ASTN1: variants seen among roughly 807,000 people sequenced by gnomAD.
ASTN1 encodes the protein astrotactin 1, also known as astrotactin-1.
A neutral mutation model predicts 140.7 loss-of-function variants in ASTN1; 41 were observed. The observed-to-expected ratio is 0.29, with a 90% CI of 0.23 to 0.38. The LOEUF is 0.38. Ranked by LOEUF, ASTN1 falls within the 10% of genes least tolerant of loss-of-function variation. The pLI is 1.00. For missense variants in ASTN1, 1,479 were observed against 1,678.8 expected (o/e 0.88, Z 2.08); for synonymous variants, 640 against 652.2 (o/e 0.98, Z 0.29).
intron 16 of ASTN1, among the ~76,000 whole-genome samples, chr1:176,920,065 C>T (rs1670664804): frequency 6.6e-6 from 1 of 152,172 alleles, no homozygotes; most frequent in Non-Finnish European, 1.5e-5. Flanking sequence ...CTTTAAGGCT[C>T]GCTTGAACCT....
chr1:177,154,049 A>T (rs1683145944), intron 1 of ASTN1, among the ~76,000 whole-genome samples: 1 of 152,188 alleles, frequency 6.6e-6, no homozygotes, highest in Non-Finnish European at 1.5e-5. Flanking sequence ...AAATATGCAT[A>T]ATCTTTATAA....
chr1:176,957,796 C>A lies in ASTN1; in HGVS notation c.1769G>T (p.Ser590Ile). 1.9e-6 allele frequency: 3 copies of A among 1,613,984 alleles called. No individual in the cohort carries two copies. The highest frequency in any genetic ancestry group is 2.5e-6 in the Non-Finnish European group (3 of 1,179,948). The change falls in exon 11 of 23, where the codon AGC (serine) becomes ATC (isoleucine). Residue 590 changes from serine (S) to isoleucine (I), a missense_variant. Ser to Ile is a moderately radical substitution (Grantham distance 142, BLOSUM62 -2). This residue lies in a region of ASTN1 where 729 missense variants were observed against 860.4 expected (regional missense o/e 0.85). Coordinates refer to ENST00000361833, the MANE Select transcript of ASTN1 (RefSeq NM_004319.3). ...AAAGGAATCTAAGAGAACCTCCAGGCTGTCGAAGGAGGATGAAGTCATCAG... is the reference window on the plus strand; with the variant it reads ...AAAGGAATCTAAGAGAACCTCCAGGATGTCGAAGGAGGATGAAGTCATCAG... ...EELMTSSSFD[S>I]LEVLLDSFGP... is the part of the protein sequence containing the mutation.
chr1:177,164,343 G>T, intron 1 of ASTN1, 51 bp downstream of exon 1: 1 of 1,468,024 alleles, frequency 6.8e-7, no homozygotes, highest in Non-Finnish European at 9.1e-7. Flanking sequence ...AGTGGGGGGT[G>T]GGGGCGCCGG....
chr1:177,098,463 T>G (rs12086334), intron 1 of ASTN1, among the ~76,000 whole-genome samples: 1 of 152,202 alleles, frequency 6.6e-6, no homozygotes, highest in African/African-American at 2.4e-5. Flanking sequence ...TATTTTTTCT[T>G]ATTTTCTTTT....
At chr1:177,129,607 CT>C (rs544591038) in intron 1 of ASTN1, among the ~76,000 whole-genome samples, 75 of 152,324 alleles carry the variant, frequency 4.9e-4, no homozygotes, top group African/African-American at 1.7e-3. Flanking sequence ...ACTTAACATT[CT>C]TGAGACCCAG....
chr1:177,122,736 A>G (rs1271936938), intron 1 of ASTN1, among the ~76,000 whole-genome samples: 1 of 152,144 alleles, frequency 6.6e-6, no homozygotes, highest in Non-Finnish European at 1.5e-5. Context: ...CTCATCAGAC[A>G]CACGGCCTTC....
chr1:176,981,624 C>T (rs1673625449), intron 8 of ASTN1: 1 of 152,420 alleles, frequency 6.6e-6, no homozygotes, highest in Non-Finnish European at 1.5e-5. Context: ...GCAATCAGAG[C>T]TGGAGAGCTC....
At chr1:177,094,849 G>A (rs527872656) in intron 1 of ASTN1, among the ~76,000 whole-genome samples, 213 of 152,298 alleles carry the variant, frequency 1.4e-3, no homozygotes, top group East Asian at 3.9e-4. Flanking sequence ...GCTCAGAAGA[G>A]GTGAGTGGTA....
At chr1:176,908,039 A>T (rs1670072150) in intron 16 of ASTN1, among the ~76,000 whole-genome samples, 1 of 152,166 alleles carries the variant, frequency 6.6e-6, no homozygotes, top group Non-Finnish European at 1.5e-5. Flanking sequence ...CCCACTTGGC[A>T]GTTACGATCA....
At chr1:176,891,688 G>A (rs1013871203) in intron 17 of ASTN1, among the ~76,000 whole-genome samples, 5 of 152,134 alleles carry the variant, frequency 3.3e-5, no homozygotes, top group Admixed American at 1.3e-4. Context: ...AGCTACTCGG[G>A]AGGCTGAGGC....
chr1:176,957,542 T>A lies in ASTN1; in HGVS notation c.1887+136A>T, dbSNP rs1164535874. 3 of 1,159,194 alleles carry A rather than the reference T, an allele frequency of 2.6e-6. No individual in the cohort carries two copies. In the Admixed American group the frequency reaches 8.2e-5, roughly 32 times the overall value. 71.8% of individuals were successfully genotyped at this position (1,159,194 alleles called of 1,614,324 possible). ...CCTTCTCATCCTTATCAAGAGAAAA[T>A]CCCTAATTTACACTAAATGGTGTTT... On this transcript the variant is annotated intron_variant, in intron 11 of 22. Coordinates refer to ENST00000361833, the MANE Select transcript of ASTN1 (RefSeq NM_004319.3).
chr1:177,016,933 C>T lies in ASTN1; in HGVS notation c.1439-2058G>A, dbSNP rs576238733. Reference sequence around the variant, plus strand: ...GGGCATATTTAGAAGCAGGAAGTAACCTTAGGAGTTTGTCAAAGCCATCAC... The same window carrying T: ...GGGCATATTTAGAAGCAGGAAGTAATCTTAGGAGTTTGTCAAAGCCATCAC... On this transcript the variant is annotated intron_variant, in intron 7 of 22. Coordinates refer to ENST00000361833, the MANE Select transcript of ASTN1 (RefSeq NM_004319.3). Among the ~76,000 whole-genome samples the T allele has an allele frequency of 5.9e-5, 9 of 152,272 alleles. No homozygotes were observed. The South Asian group carries it at 6.2e-4, about 11-fold the overall frequency.
At chr1:176,899,956 A>G (rs1669694676) in intron 16 of ASTN1, among the ~76,000 whole-genome samples, 2 of 152,230 alleles carry the variant, frequency 1.3e-5, no homozygotes, top group African/African-American at 4.8e-5. Context: ...ACATGAAATA[A>G]TAAGTGCCTT....
intron 14 of ASTN1, among the ~76,000 whole-genome samples, chr1:176,943,585 G>C (rs1385950487): frequency 6.6e-6 from 1 of 151,938 alleles, no homozygotes; most frequent in East Asian, 1.9e-4. Context: ...TCTGTGACCT[G>C]GTCACTTCCT....
At chr1:176,884,569 A>G in intron 18 of ASTN1, 79 bp from the exon 19 acceptor site, 1 of 1,458,332 alleles carries the variant, frequency 6.9e-7, no homozygotes, top group Non-Finnish European at 9.4e-7. Context: ...CAATTGTGAT[A>G]CTGTAAGCTT....
chr1:176,871,579 A>G (rs1488296507), intron 21 of ASTN1, among the ~76,000 whole-genome samples: 1 of 152,138 alleles, frequency 6.6e-6, no homozygotes, highest in Non-Finnish European at 1.5e-5. Flanking sequence ...TTCCACCACC[A>G]ATCTCCTAAA....
At chr1:176,988,878 C>T (rs1004144012) in intron 8 of ASTN1, among the ~76,000 whole-genome samples, 1 of 152,168 alleles carries the variant, frequency 6.6e-6, no homozygotes, top group African/African-American at 2.4e-5. Context: ...TACATATATA[C>T]ACCTCCTGTC....
In ASTN1 at chr1:177,154,845, T is replaced by C. The variant is rs935268951; in HGVS notation, c.283+9549A>G. On this transcript the variant is annotated intron_variant, in intron 1 of 22. Transcript: ENST00000361833. Reference sequence around the variant, plus strand: ...ATAAAATATGCTGTGAATTGAGGAATATAATTAAGTCAAATCTCTGCATGA... The same window carrying C: ...ATAAAATATGCTGTGAATTGAGGAACATAATTAAGTCAAATCTCTGCATGA... 2.0e-5 allele frequency among the ~76,000 whole-genome samples: 3 copies of C among 152,058 alleles called. No homozygotes were observed. In the South Asian group the frequency reaches 6.2e-4, roughly 32 times the overall value.
At chr1:177,001,982 C>T (rs146201706) in intron 8 of ASTN1, among the ~76,000 whole-genome samples, 76 of 152,246 alleles carry the variant, frequency 5.0e-4, no homozygotes, top group Non-Finnish European at 2.8e-4. Flanking sequence ...GAACTGTGGT[C>T]TGGACAGCCC....
Sources: gnomAD v4.1 joint callset for allele counts (sites outside exome capture counted in the v4.1 genomes callset) on GRCh38, gnomAD v4.1.1 for gene constraint, gnomAD v4.1.1 regional missense constraint, MANE v1.5 for transcripts, NCBI Gene and HGNC (gene_info 2026-07-23, HGNC 2026-07-21) for gene names.